The following MYO3B variants were observed in gnomAD, a reference collection of about 807,000 sequenced individuals.
MYO3B encodes the protein myosin-IIIb.
A neutral mutation model predicts 174.6 loss-of-function variants in MYO3B; 156 were observed. The ratio of observed to expected loss-of-function variants is 0.89; its 90% CI spans 0.78 to 1.02. The LOEUF (loss-of-function observed/expected upper bound fraction) is 1.02. Ranked by LOEUF, MYO3B falls within the 50% of genes least tolerant of loss-of-function variation. MYO3B has a pLI of 0.00. For synonymous variants in MYO3B, 563 were observed against 569.1 expected, an observed-to-expected ratio of 0.99 and a Z score of 0.15; for missense variants, 1,632 against 1,639.4, an observed-to-expected ratio of 1.00 and a Z score of 0.08.
chr2:170,340,045 C>T (rs916212031), intron 8 of MYO3B: 9 of 152,146 alleles, frequency 5.9e-5, no homozygotes, highest in African/African-American at 2.2e-4. Context: ...CAGAAGTAGC[C>T]TTTTGATAAG....
chr2:170,325,419 G>T (rs1214163541), intron 7 of MYO3B, among the ~76,000 whole-genome samples: 3 of 152,076 alleles, frequency 2.0e-5, no homozygotes, highest in East Asian at 3.9e-4. Context: ...TGTTGACCAG[G>T]CTGGTCTTGA....
intron 32 of MYO3B, among the ~76,000 whole-genome samples, chr2:170,620,961 T>C (rs1331158982): frequency 6.6e-6 from 1 of 152,058 alleles, no homozygotes; most frequent in African/African-American, 2.4e-5. Flanking sequence ...GGATCTCGGC[T>C]CACTGCAGCC....
chr2:170,186,849 T>G (rs546731166), intron 1 of MYO3B, among the ~76,000 whole-genome samples: 1 of 152,278 alleles, frequency 6.6e-6, no homozygotes, highest in South Asian at 2.1e-4. Context: ...TCAATCTTGG[T>G]AGGTTGTATA....
chr2:170,596,003 C>T (rs1352430780), intron 32 of MYO3B, among the ~76,000 whole-genome samples: 1 of 152,174 alleles, frequency 6.6e-6, no homozygotes, highest in Non-Finnish European at 1.5e-5. Context: ...ATCTATTACA[C>T]CTTTTATTAT....
At chr2:170,425,641 A>T (rs980545801) in intron 22 of MYO3B, among the ~76,000 whole-genome samples, 2 of 152,202 alleles carry the variant, frequency 1.3e-5, no homozygotes, top group African/African-American at 4.8e-5. Context: ...TGTTCAGTTG[A>T]CCTAGTTTGG....
chr2:170,215,379 A>C (rs2092816669), intron 5 of MYO3B, among the ~76,000 whole-genome samples: 1 of 152,202 alleles, frequency 6.6e-6, no homozygotes, highest in South Asian at 2.1e-4. Flanking sequence ...ATATCACCTA[A>C]GGCCAGAGAA....
chr2:170,551,464 G>C (rs1690904978), intron 32 of MYO3B, among the ~76,000 whole-genome samples: 1 of 140,318 alleles, frequency 7.1e-6, no homozygotes, highest in Non-Finnish European at 1.5e-5. Context: ...TCCACCTCCT[G>C]GGTTCATGTG....
At chr2:170,535,596 C>T (rs887550927) in intron 30 of MYO3B, among the ~76,000 whole-genome samples, 1 of 152,148 alleles carries the variant, frequency 6.6e-6, no homozygotes. Flanking sequence ...CCGGGTCAAC[C>T]AGATCAGGAT....
At chr2:170,505,604 AAACT>A (rs1270690342) in intron 28 of MYO3B, among the ~76,000 whole-genome samples, 2 of 152,230 alleles carry the variant, frequency 1.3e-5, no homozygotes, top group African/African-American at 2.4e-5. Flanking sequence ...TTATCAAAAC[AAACT>A]AACTGCAGGG....
chr2:170,358,330 C>T (rs1240008987), intron 8 of MYO3B, among the ~76,000 whole-genome samples: 1 of 151,932 alleles, frequency 6.6e-6, no homozygotes, highest in East Asian at 1.9e-4. Context: ...ATGAAAGAAG[C>T]TAGTCACAAA....
Position 170,533,433 on chromosome 2 carries a change from G to T in MYO3B, c.3576-9473G>T, listed in dbSNP as rs879810792. ...ATTATCTTTTGTGGGGGTGGGGGGG[G>T]GGTGTGCAGTGGTGAAAAGAACATC... On this transcript the variant is annotated intron_variant, in intron 30 of 34. Transcript: ENST00000408978. 7.4e-3 allele frequency among the ~76,000 whole-genome samples: 1,099 copies of T among 148,334 alleles called. 16 individuals are homozygous for T. The highest frequency in any genetic ancestry group is 0.025 in the African/African-American group (1,026 of 40,910).
At position 170,466,702 on chromosome 2, in the gene MYO3B, T is replaced by G. The variant is rs903110537; in HGVS notation, c.3005T>G (p.Phe1002Cys). ...TCCCACCGCATCCTTTTTGAAGAAT[T>G]TGTGAAAAGGTCAGACCGTCATCTA... Reference protein sequence around the residue: ...GYSHRILFEEFVKRYYYLAFT... With the variant: ...GYSHRILFEECVKRYYYLAFT... The change falls in exon 25 of 35, where the codon TTT becomes TGT. Residue 1002 changes from phenylalanine (F) to cysteine (C), a missense_variant. Transcript: ENST00000408978. The G allele has an allele frequency of 6.2e-7, 1 of 1,614,038 alleles. No individual in the cohort carries two copies. The highest frequency in any genetic ancestry group is 1.3e-5 in the African/African-American group (1 of 74,934).
chr2:170,231,968 G>C (rs1025285470), intron 6 of MYO3B, among the ~76,000 whole-genome samples: 1 of 152,128 alleles, frequency 6.6e-6, no homozygotes, highest in Non-Finnish European at 1.5e-5. Flanking sequence ...GATGTGAAAG[G>C]GTGTGCATTT....
intron 25 of MYO3B, among the ~76,000 whole-genome samples, chr2:170,488,308 A>AT (rs1298961326): frequency 2.0e-5 from 3 of 151,788 alleles, no homozygotes; most frequent in East Asian, 1.9e-4. Flanking sequence ...TTATTCATTT[A>AT]TTTTTTTTAG....
At chr2:170,637,225 G>A (rs974547419) in intron 32 of MYO3B, among the ~76,000 whole-genome samples, 8 of 146,766 alleles carry the variant, frequency 5.5e-5, no homozygotes, top group Admixed American at 1.4e-4. Flanking sequence ...AGGCTGGAGT[G>A]CAGTGGCCTG....
At chr2:170,301,164 C>G (rs1315158033) in intron 7 of MYO3B, among the ~76,000 whole-genome samples, 5 of 152,188 alleles carry the variant, frequency 3.3e-5, no homozygotes, top group African/African-American at 9.6e-5. Flanking sequence ...GTGGTGAGCA[C>G]TCAGCTTGAC....
chr2:170,648,887 TATA>T (rs1237952704), intron 32 of MYO3B, among the ~76,000 whole-genome samples: 1 of 56,224 alleles, frequency 1.8e-5, no homozygotes, highest in African/African-American at 6.7e-5. Flanking sequence ...TTCTATATAT[TATA>T]TATGAAATAG....
intron 8 of MYO3B, among the ~76,000 whole-genome samples, chr2:170,342,684 C>T (rs2093985174): frequency 6.6e-6 from 1 of 152,122 alleles, no homozygotes; most frequent in Admixed American, 6.5e-5. Context: ...ATGCTAGGCA[C>T]TGTTCTCTAC....
At chr2:170,315,041 T>G (rs1394530475) in intron 7 of MYO3B, among the ~76,000 whole-genome samples, 1 of 152,224 alleles carries the variant, frequency 6.6e-6, no homozygotes, top group East Asian at 1.9e-4. Flanking sequence ...TTTTTAGGAC[T>G]ATCAAGTTTT....
Sources: gnomAD v4.1 joint callset for allele counts (sites outside exome capture counted in the v4.1 genomes callset) on GRCh38, gnomAD v4.1.1 for gene constraint, MANE v1.5 for transcripts, NCBI Gene and HGNC (gene_info 2026-07-23, HGNC 2026-07-21) for gene names.